Variants in EBF3 observed in about 807,000 individuals in gnomAD.
EBF3 encodes EBF transcription factor 3.
EBF3 carries 18 observed loss-of-function variants against 77.1 expected under a neutral mutation model. The observed-to-expected ratio is 0.23, with a 90% CI of 0.16 to 0.35. EBF3 has a LOEUF of 0.35. Ranked by LOEUF, EBF3 falls within the 10% of genes least tolerant of loss-of-function variation. The pLI is 1.00. For synonymous variants in EBF3, 350 were observed against 343.5 expected (o/e 1.02, Z -0.21); for missense variants, 558 against 860.0 (o/e 0.65, Z 4.39).
Position 129,873,486 on chromosome 10 carries a change from C to G in EBF3, c.747G>C (p.Pro249=). Residue 249 remains proline, a synonymous_variant, in exon 8 of 17, where the codon CCG becomes CCC. Coordinates refer to ENST00000440978, the MANE Select transcript of EBF3 (RefSeq NM_001375380.1). The part of the protein sequence containing the change: ...KHGRRARRLD[P]SEGTAPSYLE... Reference sequence around the variant, plus strand: ...GATAAGAAGGGGCCGTACCTTCTGACGGGTCTAGGCGGCGGGCCCGCCTCC... The same window carrying G: ...GATAAGAAGGGGCCGTACCTTCTGAGGGGTCTAGGCGGCGGGCCCGCCTCC... The G allele has an allele frequency of 5.7e-6, 9 of 1,583,748 alleles. No individual in the cohort carries two copies. Among genetic ancestry groups the G allele is most frequent in the Non-Finnish European group, 7.7e-6 (9 of 1,161,978 alleles).
At chr10:129,840,573 C>T in intron 14 of EBF3, 131 bp from the exon 15 acceptor site, 1 of 1,094,730 alleles carries the variant, frequency 9.1e-7, no homozygotes. Flanking sequence ...CTGGCTCGGC[C>T]ACGCTCTGGA....
intron 10 of EBF3, among the ~76,000 whole-genome samples, chr10:129,859,327 T>C (rs145268236): frequency 2.6e-5 from 4 of 152,278 alleles, no homozygotes; most frequent in African/African-American, 9.6e-5. Flanking sequence ...GTTCAAGAGA[T>C]TCTCCCGTCT....
intron 16 of EBF3, 34 bp from the exon 17 acceptor site, chr10:129,837,994 G>C: frequency 6.2e-7 from 1 of 1,613,610 alleles, no homozygotes; most frequent in Non-Finnish European, 8.5e-7. Context: ...GTTACTGCAG[G>C]CTCCCCCACG....
chr10:129,878,104 C>T (rs933159130), intron 6 of EBF3, among the ~76,000 whole-genome samples: 29 of 152,206 alleles, frequency 1.9e-4, no homozygotes, highest in Non-Finnish European at 3.7e-4. Flanking sequence ...ATAGCTGCGA[C>T]TTTCGCATTG....
At chr10:129,913,118 A>C (rs1855636476) in intron 6 of EBF3, among the ~76,000 whole-genome samples, 1 of 152,254 alleles carries the variant, frequency 6.6e-6, no homozygotes, top group Non-Finnish European at 1.5e-5. Flanking sequence ...TGTTCGAGCT[A>C]GGCATTTTTC....
chr10:129,847,727 A>G (rs1198895677), intron 11 of EBF3, among the ~76,000 whole-genome samples: 1 of 152,246 alleles, frequency 6.6e-6, no homozygotes, highest in Middle Eastern at 3.2e-3. Flanking sequence ...AGACAAAATT[A>G]TATCAAAGGA....
At chr10:129,940,713 G>A (rs1857670123) in intron 6 of EBF3, among the ~76,000 whole-genome samples, 2 of 152,190 alleles carry the variant, frequency 1.3e-5, no homozygotes, top group African/African-American at 4.8e-5. Flanking sequence ...GGCTGGCAGA[G>A]GAAGAGCAGA....
At position 129,897,612 on chromosome 10, in the gene EBF3, G is replaced by A. The variant is rs1033579991; in HGVS notation, c.555-19763C>T. Reference sequence around the variant, plus strand: ...GAAGCCCGGGAAGGTTCTCGAGGGCGCCCATTGTCTCCGAGCCTGCCCACT... The same window carrying A: ...GAAGCCCGGGAAGGTTCTCGAGGGCACCCATTGTCTCCGAGCCTGCCCACT... On this transcript the variant is annotated intron_variant, in intron 6 of 16. Transcript: ENST00000440978. The surrounding 1 kb of genome is among the most constrained non-coding windows in gnomAD (Gnocchi z 4.6). Among the ~76,000 whole-genome samples the A allele has an allele frequency of 1.3e-4, 20 of 152,124 alleles. No homozygotes were observed. The South Asian group carries it at 3.1e-3, about 24-fold the overall frequency.
intron 11 of EBF3, among the ~76,000 whole-genome samples, chr10:129,847,286 A>G (rs1359737320): frequency 6.6e-6 from 1 of 152,158 alleles, no homozygotes; most frequent in Non-Finnish European, 1.5e-5. Flanking sequence ...TCCTGCACAC[A>G]AAGCCAGCCC....
intron 6 of EBF3, among the ~76,000 whole-genome samples, chr10:129,913,913 A>G (rs1336384383): frequency 6.6e-6 from 1 of 151,918 alleles, no homozygotes; most frequent in African/African-American, 2.4e-5. Flanking sequence ...TCCTTCATTC[A>G]CTCATCTCGC....
chr10:129,843,245 G>C, intron 11 of EBF3, 43 bp from the exon 12 acceptor site: 1 of 1,578,506 alleles, frequency 6.3e-7, no homozygotes, highest in Non-Finnish European at 8.6e-7. Flanking sequence ...GGAGGAACCG[G>C]CCAGTTATCA....
intron 6 of EBF3, among the ~76,000 whole-genome samples, chr10:129,910,988 C>G (rs1005099297): frequency 2.0e-5 from 3 of 152,210 alleles, no homozygotes; most frequent in Non-Finnish European, 4.4e-5. Flanking sequence ...AGCGCGGAGG[C>G]TCCGGATCCA....
At chr10:129,908,116 G>A (rs993191566) in intron 6 of EBF3, among the ~76,000 whole-genome samples, 5 of 152,054 alleles carry the variant, frequency 3.3e-5, no homozygotes, top group East Asian at 3.9e-4. Context: ...GGCTCATCCC[G>A]TCTTGCTTAA....
intron 9 of EBF3, 93 bp from the exon 10 acceptor site, chr10:129,867,360 A>G (rs1852097277): frequency 1.3e-6 from 2 of 1,558,550 alleles, no homozygotes; most frequent in South Asian, 1.2e-5. Flanking sequence ...AATGAGCACA[A>G]ATTGGACCAT....
At chr10:129,868,152 A>G (rs1310502719) in intron 8 of EBF3, among the ~76,000 whole-genome samples, 1 of 152,270 alleles carries the variant, frequency 6.6e-6, no homozygotes, top group East Asian at 1.9e-4. Flanking sequence ...ATGGCTTGAT[A>G]TAGCAAATTA....
intron 6 of EBF3, among the ~76,000 whole-genome samples, chr10:129,890,391 C>G (rs1853939420): frequency 6.6e-6 from 1 of 152,170 alleles, no homozygotes; most frequent in Non-Finnish European, 1.5e-5. Flanking sequence ...ATCCCCAAGG[C>G]CCGGAGGGAC....
intron 6 of EBF3, among the ~76,000 whole-genome samples, chr10:129,927,287 C>T (rs1211157430): frequency 1.3e-5 from 2 of 152,218 alleles, no homozygotes; most frequent in East Asian, 3.9e-4. Flanking sequence ...TCTGGTTTCA[C>T]ATATTTTTAA....
At position 129,943,704 on chromosome 10, in the gene EBF3, A is replaced by C. The variant is rs1857963694; in HGVS notation, c.554+13554T>G. ...TTTTTTTTTACCTCTGCTATGAATT[A>C]AAAGAATTGCTAGGAATTCTTTTCA... On this transcript the variant is annotated intron_variant, in intron 6 of 16. Coordinates refer to ENST00000440978, the MANE Select transcript of EBF3 (RefSeq NM_001375380.1). The surrounding 1 kb of genome is among the most constrained non-coding windows in gnomAD (Gnocchi z 8.8). Among the ~76,000 whole-genome samples, 1 of 152,178 alleles carries C rather than the reference A, an allele frequency of 6.6e-6. No homozygotes were observed. The highest frequency in any genetic ancestry group is 1.5e-5 in the Non-Finnish European group (1 of 68,042).
At chr10:129,887,034 G>A (rs1172831534) in intron 6 of EBF3, among the ~76,000 whole-genome samples, 2 of 143,436 alleles carry the variant, frequency 1.4e-5, no homozygotes, top group Non-Finnish European at 3.1e-5. Context: ...CCGGGGAAGA[G>A]GCTGGGTGGG....
Sources: gnomAD v4.1 joint callset for allele counts (sites outside exome capture counted in the v4.1 genomes callset) on GRCh38, gnomAD v4.1.1 for gene constraint, Gnocchi (gnomAD v3.1) non-coding constraint, MANE v1.5 for transcripts, NCBI Gene and HGNC (gene_info 2026-07-23, HGNC 2026-07-21) for gene names.